HMGA2: variants seen among roughly 807,000 people sequenced by gnomAD.
The protein encoded by HMGA2 is high mobility group AT-hook 2.
Under a neutral mutation model 19.1 loss-of-function variants are expected in HMGA2, and 8 were observed. That is an observed-to-expected ratio of 0.42 (90% CI 0.25 to 0.76). The LOEUF (loss-of-function observed/expected upper bound fraction) is 0.76. Among genes scored for constraint, HMGA2 ranks in the 30% least tolerant of loss-of-function variants. The probability of loss-of-function intolerance (pLI) is 0.28; values close to 1 mark genes in which losing one functional copy is unlikely to be tolerated. For synonymous variants in HMGA2, 60 were observed against 48.8 expected, an observed-to-expected ratio of 1.23 and a Z score of -0.96; for missense variants, 109 against 136.3, an observed-to-expected ratio of 0.80 and a Z score of 1.00.
chr12:65,840,330 G>C (rs1166630525), intron 3 of HMGA2, among the ~76,000 whole-genome samples: 1 of 152,190 alleles, frequency 6.6e-6, no homozygotes, highest in Non-Finnish European at 1.5e-5. Flanking sequence ...ATGATGTCTG[G>C]GGCCTCCACT....
At position 65,825,195 on chromosome 12, in the gene HMGA2, C is replaced by T. The variant is rs1870085345; in HGVS notation, c.-76C>T. On this transcript the variant is annotated 5_prime_UTR_variant, in exon 1 of 5. Coordinates refer to ENST00000403681, the MANE Select transcript of HMGA2 (RefSeq NM_003483.6). This position sits in a 1 kb window ranked among gnomAD's most constrained non-coding sequence, Gnocchi z 4.4. ...CGTCCCCAGCCCTATCACCTCATCT[C>T]CCGAAAGGTGCTGGGCAGCTCCGGG... 3 of 1,327,802 alleles carry T rather than the reference C, an allele frequency of 2.3e-6. No homozygotes were observed. The highest frequency in any genetic ancestry group is 2.1e-5 in the Admixed American group (1 of 48,168). 82.3% of individuals were successfully genotyped at this position (1,327,802 alleles called of 1,614,324 possible).
chr12:65,911,778 A>C (rs1193261725), intron 3 of HMGA2, among the ~76,000 whole-genome samples: 2 of 152,192 alleles, frequency 1.3e-5, no homozygotes, highest in Admixed American at 1.3e-4. Flanking sequence ...ATGCACACAC[A>C]GAACCAGAGC....
Position 65,891,413 on chromosome 12 carries a change from T to C in HMGA2, c.249+52844T>C, listed in dbSNP as rs1220879391. 5.3e-5 allele frequency among the ~76,000 whole-genome samples: 8 copies of C among 152,254 alleles called. No homozygotes were observed. In the East Asian group the frequency reaches 1.5e-3, roughly 29 times the overall value. On this transcript the variant is annotated intron_variant, in intron 3 of 4. Transcript: ENST00000403681. ...TTCATGATGTTGAACTACAATAATA[T>C]TTTCCTCCACACACTCTCCCAGTTC...
chr12:65,854,973 C>G (rs1871658491), intron 3 of HMGA2, among the ~76,000 whole-genome samples: 1 of 152,184 alleles, frequency 6.6e-6, no homozygotes, highest in South Asian at 2.1e-4. Flanking sequence ...CAGCTAACTG[C>G]TTGCCTGAAG....
At chr12:65,962,801 T>C (rs942322062) in intron 4 of HMGA2, among the ~76,000 whole-genome samples, 8 of 152,186 alleles carry the variant, frequency 5.3e-5, no homozygotes, top group African/African-American at 1.9e-4. Flanking sequence ...CCAGCTATTA[T>C]TACCAGTATC....
intron 2 of HMGA2, among the ~76,000 whole-genome samples, chr12:65,830,495 A>C (rs1870432354): frequency 6.6e-6 from 1 of 151,922 alleles, no homozygotes; most frequent in Admixed American, 6.6e-5. Flanking sequence ...GTAAACTGAG[A>C]CCCATCACAA....
At chr12:65,892,064 G>A (rs1051917490) in intron 3 of HMGA2, among the ~76,000 whole-genome samples, 10 of 152,198 alleles carry the variant, frequency 6.6e-5, no homozygotes, top group African/African-American at 2.4e-4. Context: ...GGACCGGAGT[G>A]CTCTGCCTCT....
intron 3 of HMGA2, among the ~76,000 whole-genome samples, chr12:65,888,719 A>G (rs1237640472): frequency 3.3e-5 from 5 of 150,314 alleles, no homozygotes; most frequent in Non-Finnish European, 7.4e-5. Context: ...GCCCGCCACC[A>G]CGCCCGGCTA....
chr12:65,912,635 G>A (rs1874895390), intron 3 of HMGA2, among the ~76,000 whole-genome samples: 1 of 152,158 alleles, frequency 6.6e-6, no homozygotes, highest in African/African-American at 2.4e-5. Context: ...AACAACCTGA[G>A]GAGGTATTGT....
intron 3 of HMGA2, among the ~76,000 whole-genome samples, chr12:65,891,344 G>C (rs1299418333): frequency 6.6e-6 from 1 of 152,168 alleles, no homozygotes; most frequent in Non-Finnish European, 1.5e-5. Context: ...AGGAAATGCA[G>C]ATGTAAGTAG....
rs1870042287 is a variant in HMGA2, at chr12:65,824,734, TCTC to T, written c.-536_-534del. 1 of 216,210 alleles carries T rather than the reference TCTC, an allele frequency of 4.6e-6. No homozygotes were observed. Among genetic ancestry groups the T allele is most frequent in the Non-Finnish European group, 8.8e-6 (1 of 114,024 alleles). 13.4% of individuals were successfully genotyped at this position (216,210 alleles called of 1,614,324 possible). On this transcript the variant is annotated 5_prime_UTR_variant, in exon 1 of 5. Coordinates refer to ENST00000403681, the MANE Select transcript of HMGA2 (RefSeq NM_003483.6). ...TCTCTTCTCTCTCTCTCTCTCTCTCTCTCTCTCTCTCTCTCTCTCTCTCTCTCT... is the reference window on the plus strand; with the variant it reads ...TCTCTTCTCTCTCTCTCTCTCTCTCTTCTCTCTCTCTCTCTCTCTCTCTCT...
At chr12:65,858,709 A>ATATTT (rs1871878669) in intron 3 of HMGA2, 2 of 152,182 alleles carry the variant, frequency 1.3e-5, no homozygotes, top group Admixed American at 1.3e-4. Flanking sequence ...TATTGCAGTA[A>ATATTT]TGGTGAATGC....
At position 65,892,644 on chromosome 12, in the gene HMGA2, G is replaced by C. The variant is rs886186470; in HGVS notation, c.249+54075G>C. Among the ~76,000 whole-genome samples the C allele has an allele frequency of 2.0e-5, 3 of 152,116 alleles. No individual in the cohort carries two copies. The South Asian group carries it at 6.2e-4, about 32-fold the overall frequency. On this transcript the variant is annotated intron_variant, in intron 3 of 4. Coordinates refer to ENST00000403681, the MANE Select transcript of HMGA2 (RefSeq NM_003483.6). ...CAAAGCGAGGGGACCCTTCAAAGTA[G>C]AGTTTGTCATCTCCGAGAGAATCTG...
chr12:65,875,589 ATTTTTTTTTTTTTTTTTT>A lies in HMGA2; in HGVS notation c.249+37044_249+37061del, dbSNP rs71096056. ...CGGGCATATGCCACCGTGCCCGGCT[ATTTTTTTTTTTTTTTTTT>A]TTTTTTTTTTTTTTTTTTTTTTTAG... On this transcript the variant is annotated intron_variant, in intron 3 of 4. Coordinates refer to ENST00000403681, the MANE Select transcript of HMGA2 (RefSeq NM_003483.6). Among the ~76,000 whole-genome samples the A allele has an allele frequency of 2.0e-3, 53 of 26,112 alleles. 1 individual carries two copies. Among genetic ancestry groups the A allele is most frequent in the South Asian group, 4.7e-3 (3 of 644 alleles). The allele number at this position is 26,112 out of a possible 152,430, so 17.1% of individuals were successfully genotyped here.
At chr12:65,867,356 G>T in intron 3 of HMGA2, 1 of 342,928 alleles carries the variant, frequency 2.9e-6, no homozygotes. Context: ...GGCCTTCTCA[G>T]GAAGGGGAAC....
intron 3 of HMGA2, chr12:65,842,039 G>GT: frequency 8.4e-7 from 1 of 1,189,878 alleles, no homozygotes. Flanking sequence ...CAGATCTATT[G>GT]TTTTTATGAG....
At chr12:65,847,219 T>C (rs1354699993) in intron 3 of HMGA2, among the ~76,000 whole-genome samples, 1 of 152,118 alleles carries the variant, frequency 6.6e-6, no homozygotes. Flanking sequence ...ATTTGATTTA[T>C]CAAAGTAGTC....
intron 4 of HMGA2, among the ~76,000 whole-genome samples, chr12:65,961,743 G>A: frequency 6.9e-6 from 1 of 144,578 alleles, no homozygotes; most frequent in South Asian, 2.1e-4. Context: ...GATAGAGTGT[G>A]TGTGTGTGTG....
chr12:65,830,320 A>T (rs1870424682), intron 2 of HMGA2, among the ~76,000 whole-genome samples: 1 of 151,986 alleles, frequency 6.6e-6, no homozygotes, highest in Non-Finnish European at 1.5e-5. Context: ...TTTATTAAGC[A>T]TATATTGTGT....
Sources: allele counts gnomAD v4.1 joint callset (sites outside exome capture counted in the v4.1 genomes callset), GRCh38; gene constraint gnomAD v4.1.1; non-coding constraint Gnocchi (gnomAD v3.1); transcripts MANE v1.5; gene names NCBI Gene and HGNC (gene_info 2026-07-23, HGNC 2026-07-21).